The following MARCHF5 variants were observed in gnomAD, a reference collection of about 807,000 sequenced individuals.
MARCHF5 encodes the protein membrane associated ring-CH-type finger 5, also known as E3 ubiquitin-protein ligase MARCHF5.
In MARCHF5, 5 loss-of-function variants were observed where a neutral mutation model predicts 36.5. That is an observed-to-expected ratio of 0.14 (90% CI 0.07 to 0.29). The LOEUF (loss-of-function observed/expected upper bound fraction) is 0.29, where lower values mean the gene tolerates loss of function less well. Ranked by LOEUF, MARCHF5 falls within the 10% of genes least tolerant of loss-of-function variation. The pLI is 1.00. For synonymous variants in MARCHF5, 103 were observed against 109.9 expected (o/e 0.94, Z 0.39); for missense variants, 179 against 336.3 (o/e 0.53, Z 3.66).
chr10:92,342,950 G>T (rs1319991997), intron 3 of MARCHF5, among the ~76,000 whole-genome samples: 1 of 152,224 alleles, frequency 6.6e-6, no homozygotes, highest in Admixed American at 6.5e-5. Flanking sequence ...GTGAGACAGA[G>T]TATTATGAGA....
In MARCHF5 at chr10:92,328,801, T is replaced by TTATATA. The variant is rs748902839; in HGVS notation, c.239-11856_239-11851dup. On this transcript the variant is annotated intron_variant, in intron 2 of 5. Transcript: ENST00000358935. ...TGTTTAGATCTTGTCAGTGAGGTTA[T>TTATATA]TATATATATATATATATATATTTTT... is the stretch of plus-strand genomic sequence containing the variant. Among the ~76,000 whole-genome samples the TTATATA allele has an allele frequency of 7.1e-4, 98 of 137,258 alleles. 1 individual carries two copies. Among genetic ancestry groups the TTATATA allele is most frequent in the African/African-American group, 2.5e-3 (94 of 36,894 alleles). The allele number at this position is 137,258 out of a possible 152,430, so 90.0% of individuals were successfully genotyped here. A position where few individuals can be genotyped will look rare whatever the true frequency, so the allele number is the denominator to read the frequency against.
At chr10:92,297,201 C>T (rs1284345804) in intron 1 of MARCHF5, among the ~76,000 whole-genome samples, 1 of 146,820 alleles carries the variant, frequency 6.8e-6, no homozygotes, top group Non-Finnish European at 1.5e-5. Flanking sequence ...GGGTCTTACT[C>T]CATTGCTCAG....
chr10:92,324,639 T>C (rs1843332835), intron 2 of MARCHF5, among the ~76,000 whole-genome samples: 1 of 152,220 alleles, frequency 6.6e-6, no homozygotes, highest in South Asian at 2.1e-4. Context: ...CATTTACAAC[T>C]AGAAGTTTTC....
At chr10:92,334,353 T>G (rs537506304) in intron 2 of MARCHF5, 1 of 152,234 alleles carries the variant, frequency 6.6e-6, no homozygotes, top group Non-Finnish European at 1.5e-5. Context: ...AAGGAACTTA[T>G]CGTCTCAGAA....
intron 2 of MARCHF5, among the ~76,000 whole-genome samples, chr10:92,337,277 A>C (rs185356776): frequency 4.8e-4 from 73 of 152,210 alleles, no homozygotes; most frequent in Non-Finnish European, 7.9e-4. Flanking sequence ...ACACTTCGGG[A>C]GGCTGAGGTG....
At chr10:92,324,067 GT>G (rs1353469909) in intron 2 of MARCHF5, among the ~76,000 whole-genome samples, 2 of 152,140 alleles carry the variant, frequency 1.3e-5, no homozygotes, top group East Asian at 3.9e-4. Flanking sequence ...CCTTGCCAGT[GT>G]TTTTGATTTG....
intron 1 of MARCHF5, among the ~76,000 whole-genome samples, chr10:92,297,632 C>T (rs1842963099): frequency 6.6e-6 from 1 of 151,718 alleles, no homozygotes; most frequent in Non-Finnish European, 1.5e-5. Flanking sequence ...GCTGGGACTA[C>T]AAGCACGTGC....
chr10:92,306,077 G>C (rs1010243092), intron 1 of MARCHF5, among the ~76,000 whole-genome samples: 1 of 152,222 alleles, frequency 6.6e-6, no homozygotes. Flanking sequence ...ACTGCTTTAT[G>C]TGAGTTAACA....
At chr10:92,291,622 G>C (rs886655586) in intron 1 of MARCHF5, 93 bp downstream of exon 1, 19 of 1,430,130 alleles carry the variant, frequency 1.3e-5, no homozygotes, top group Non-Finnish European at 1.7e-5. Flanking sequence ...GCAGAACCCG[G>C]CGTGCCGGGA....
chr10:92,341,929 A>G (rs981860859), intron 3 of MARCHF5, among the ~76,000 whole-genome samples: 1 of 151,286 alleles, frequency 6.6e-6, no homozygotes, highest in Non-Finnish European at 1.5e-5. Flanking sequence ...AGCTGGAACT[A>G]TGGGTGTGTG....
At chr10:92,350,988 T>C in intron 5 of MARCHF5, 103 bp from the exon 6 acceptor site, 1 of 660,736 alleles carries the variant, frequency 1.5e-6, no homozygotes, top group Non-Finnish European at 2.7e-6. Context: ...TGAATTAGTT[T>C]AGCATCAAAG....
At chr10:92,299,160 C>T (rs925129329) in intron 1 of MARCHF5, among the ~76,000 whole-genome samples, 2 of 152,078 alleles carry the variant, frequency 1.3e-5, no homozygotes, top group African/African-American at 2.4e-5. Flanking sequence ...CTTCCAGATC[C>T]ACTTGTTCAT....
chr10:92,333,168 GA>G (rs55891324), intron 2 of MARCHF5, among the ~76,000 whole-genome samples: 129,226 of 132,486 alleles, frequency 0.98, 62,985 homozygotes, highest in Middle Eastern at 0.99. Context: ...CTTGCCAAAA[GA>G]AAAAAAAAAA....
intron 2 of MARCHF5, among the ~76,000 whole-genome samples, chr10:92,317,357 C>T (rs1166611445): frequency 6.6e-6 from 1 of 152,162 alleles, no homozygotes; most frequent in Non-Finnish European, 1.5e-5. Flanking sequence ...CCTTGGCCTC[C>T]CAAAATCCTG....
chr10:92,350,220 T>C (rs761704903), intron 5 of MARCHF5: 5 of 193,708 alleles, frequency 2.6e-5, no homozygotes, highest in African/African-American at 4.7e-5. Context: ...GTGATGGTAA[T>C]AATCAGGATT....
chr10:92,313,511 A>G (rs1843170643), intron 2 of MARCHF5, among the ~76,000 whole-genome samples: 1 of 151,506 alleles, frequency 6.6e-6, no homozygotes, highest in African/African-American at 2.4e-5. Flanking sequence ...AGGCTGAGGC[A>G]GGAGAATGGC....
At chr10:92,351,058 A>G (rs760433635) in intron 5 of MARCHF5, 33 bp from the exon 6 acceptor site, 4 of 1,186,448 alleles carry the variant, frequency 3.4e-6, no homozygotes, top group Non-Finnish European at 5.0e-6. Context: ...CTAAATCTGC[A>G]TTATAAAAAG....
intron 3 of MARCHF5, 63 bp downstream of exon 3, chr10:92,340,866 T>G (rs1843570279): frequency 7.5e-7 from 1 of 1,327,966 alleles, no homozygotes; most frequent in African/African-American, 1.5e-5. Flanking sequence ...ACATTTTTTG[T>G]TAGACATTTA....
intron 1 of MARCHF5, among the ~76,000 whole-genome samples, chr10:92,298,523 C>T (rs1235241821): frequency 6.6e-6 from 1 of 152,140 alleles, no homozygotes; most frequent in Non-Finnish European, 1.5e-5. Flanking sequence ...AATTTTTGGT[C>T]TTTGATATTA....
Sources: allele counts gnomAD v4.1 joint callset (sites outside exome capture counted in the v4.1 genomes callset), GRCh38; gene constraint gnomAD v4.1.1; transcripts MANE v1.5; gene names NCBI Gene and HGNC (gene_info 2026-07-23, HGNC 2026-07-21).